PARD3B: variants seen among roughly 807,000 people sequenced by gnomAD.
PARD3B encodes partitioning defective 3 homolog B.
PARD3B carries 103 observed loss-of-function variants against 130.2 expected under a neutral mutation model. The observed-to-expected ratio is 0.79, with a 90% CI of 0.67 to 0.93. The LOEUF (loss-of-function observed/expected upper bound fraction) is 0.93, where lower values mean the gene tolerates loss of function less well. PARD3B is among the 40% of genes least tolerant of loss of function. PARD3B has a pLI of 0.00. For missense variants in PARD3B, 1,609 were observed against 1,499.2 expected (o/e 1.07, Z -1.21); for synonymous variants, 583 against 553.2 (o/e 1.05, Z -0.76).
Position 205,103,617 on chromosome 2 carries a change from T to C in PARD3B, c.505-809T>C, listed in dbSNP as rs966272650. The C allele has an allele frequency of 4.0e-5, 29 of 726,726 alleles. No individual in the cohort carries two copies. In the South Asian group the frequency reaches 1.6e-3, roughly 40 times the overall value. The allele number at this position is 726,726 out of a possible 1,614,324, so 45.0% of individuals were successfully genotyped here. On this transcript the variant is annotated intron_variant, in intron 4 of 22. Transcript: ENST00000406610. ...TGCTTTGATGAAACCGGAGTCCACG[T>C]GTAACAATAGTTTATTGTGACTCCA...
At chr2:205,152,603 A>T (rs568425329) in intron 10 of PARD3B, among the ~76,000 whole-genome samples, 4 of 152,266 alleles carry the variant, frequency 2.6e-5, no homozygotes, top group Middle Eastern at 6.8e-3. Context: ...TTTCAGCTCC[A>T]TCGGGTCATT....
intron 19 of PARD3B, among the ~76,000 whole-genome samples, chr2:205,438,362 A>AG (rs1327208424): frequency 6.6e-6 from 1 of 152,130 alleles, no homozygotes; most frequent in African/African-American, 2.4e-5. Context: ...CAAGCTTAGT[A>AG]TTTTCCTCTT....
Position 205,374,437 on chromosome 2 carries a change from G to A in PARD3B, c.2631-26576G>A, listed in dbSNP as rs573298129. Among the ~76,000 whole-genome samples the A allele has an allele frequency of 5.9e-5, 9 of 152,228 alleles. 1 individual carries two copies. The highest frequency in any genetic ancestry group is 3.9e-4 in the East Asian group (2 of 5,162). ...TTTTTAGTAGAAACGGTTTCGCCAT[G>A]TTGGCCAGGCTGGTCTTGAACCCCT... On this transcript the variant is annotated intron_variant, in intron 18 of 22. Coordinates refer to ENST00000406610, the MANE Select transcript of PARD3B (RefSeq NM_001302769.2).
intron 2 of PARD3B, among the ~76,000 whole-genome samples, chr2:204,948,575 G>A (rs890877372): frequency 6.6e-6 from 1 of 152,114 alleles, no homozygotes; most frequent in African/African-American, 2.4e-5. Flanking sequence ...AGCACACAGA[G>A]ACCGAACATG....
intron 2 of PARD3B, among the ~76,000 whole-genome samples, chr2:204,750,476 C>G (rs1229485991): frequency 6.6e-6 from 1 of 152,130 alleles, no homozygotes; most frequent in African/African-American, 2.4e-5. Flanking sequence ...GTCCCAGCTA[C>G]TTGGGAGGGT....
chr2:204,875,294 A>G (rs1209470629), intron 2 of PARD3B, among the ~76,000 whole-genome samples: 5 of 152,122 alleles, frequency 3.3e-5, no homozygotes, highest in Admixed American at 2.6e-4. Flanking sequence ...ATAATTTTGT[A>G]TATTCTTTAT....
At position 205,377,763 on chromosome 2, in the gene PARD3B, ATTTTTTT is replaced by A. The variant is rs3048124; in HGVS notation, c.2631-23232_2631-23226del. Among the ~76,000 whole-genome samples the A allele has an allele frequency of 3.6e-3, 425 of 117,440 alleles. 4 individuals are homozygous for A. The highest frequency in any genetic ancestry group is 6.9e-3 in the East Asian group (30 of 4,372). 77.0% of individuals were successfully genotyped at this position (117,440 alleles called of 152,430 possible). Reference sequence around the variant, plus strand: ...ACCAAGTATCACATGGTGTAATCCAATTTTTTTTTTTTTTTTTTTTTTTTGAGACAGG... The same window carrying A: ...ACCAAGTATCACATGGTGTAATCCAATTTTTTTTTTTTTTTTTGAGACAGG... On this transcript the variant is annotated intron_variant, in intron 18 of 22. Coordinates refer to ENST00000406610, the MANE Select transcript of PARD3B (RefSeq NM_001302769.2).
intron 2 of PARD3B, among the ~76,000 whole-genome samples, chr2:204,794,054 G>A (rs1476563778): frequency 2.0e-5 from 3 of 152,110 alleles, no homozygotes; most frequent in Admixed American, 2.0e-4. Flanking sequence ...TTGATGCGAG[G>A]GGAGATTGAA....
At chr2:204,621,796 T>C (rs944057961) in intron 1 of PARD3B, among the ~76,000 whole-genome samples, 132 of 152,326 alleles carry the variant, frequency 8.7e-4, no homozygotes, top group African/African-American at 2.8e-3. Context: ...ATTATTTAAT[T>C]TATCTGGGTC....
At chr2:205,594,644 TAAAGA>T (rs2054505857) in intron 22 of PARD3B, among the ~76,000 whole-genome samples, 1 of 152,118 alleles carries the variant, frequency 6.6e-6, no homozygotes, top group African/African-American at 2.4e-5. Context: ...GTCCTGAGAT[TAAAGA>T]AAAGCAGGAA....
chr2:204,781,790 A>G (rs1431809019), intron 2 of PARD3B, among the ~76,000 whole-genome samples: 1 of 152,128 alleles, frequency 6.6e-6, no homozygotes, highest in Admixed American at 6.5e-5. Context: ...AACATCATAC[A>G]TGCTCTTTGC....
intron 21 of PARD3B, among the ~76,000 whole-genome samples, chr2:205,520,200 C>G (rs1174115609): frequency 4.5e-4 from 68 of 152,174 alleles, no homozygotes; most frequent in South Asian, 2.1e-4. Context: ...AGATGCAGGT[C>G]AGTAATCCCT....
chr2:204,818,042 C>T (rs567652917), intron 2 of PARD3B, among the ~76,000 whole-genome samples: 68 of 152,092 alleles, frequency 4.5e-4, no homozygotes, highest in African/African-American at 1.5e-3. Flanking sequence ...CCAAACTGTC[C>T]CTCTTTATTT....
At position 204,821,724 on chromosome 2, in the gene PARD3B, T is replaced by A. The variant is rs531362389; in HGVS notation, c.222+135442T>A. 2.2e-4 allele frequency among the ~76,000 whole-genome samples: 33 copies of A among 151,192 alleles called. No homozygotes were observed. The South Asian group carries it at 4.4e-3, about 20-fold the overall frequency. Reference sequence around the variant, plus strand: ...TAAAATAAAAAAAATTAAAAAAAAATAAAAAAAATAGAAATGGGCATTTCC... The same window carrying A: ...TAAAATAAAAAAAATTAAAAAAAAAAAAAAAAAATAGAAATGGGCATTTCC... On this transcript the variant is annotated intron_variant, in intron 2 of 22. Coordinates refer to ENST00000406610, the MANE Select transcript of PARD3B (RefSeq NM_001302769.2).
At chr2:204,825,184 C>T (rs1337788124) in intron 2 of PARD3B, among the ~76,000 whole-genome samples, 4 of 152,286 alleles carry the variant, frequency 2.6e-5, no homozygotes, top group African/African-American at 9.6e-5. Context: ...TTCGTGTAGT[C>T]AGTGCGTCAA....
At chr2:205,523,395 C>A (rs565893972) in intron 21 of PARD3B, among the ~76,000 whole-genome samples, 100 of 151,816 alleles carry the variant, frequency 6.6e-4, no homozygotes, top group African/African-American at 2.4e-3. Flanking sequence ...AGGCGCCCAC[C>A]ACCATGCCCA....
At chr2:204,693,925 C>T (rs2037469114) in intron 2 of PARD3B, among the ~76,000 whole-genome samples, 1 of 152,000 alleles carries the variant, frequency 6.6e-6, no homozygotes, top group Admixed American at 6.6e-5. Flanking sequence ...GCTGTATTCC[C>T]AGTGCCTGCA....
At chr2:205,126,751 T>TAAA (rs2031460419) in intron 10 of PARD3B, among the ~76,000 whole-genome samples, 1 of 13,258 alleles carries the variant, frequency 7.5e-5, no homozygotes, top group African/African-American at 6.0e-4. Flanking sequence ...AGACTCCGTC[T>TAAA]CAAAAAAAAA....
chr2:204,702,689 C>T (rs1210324329), intron 2 of PARD3B, among the ~76,000 whole-genome samples: 1 of 152,124 alleles, frequency 6.6e-6, no homozygotes, highest in African/African-American at 2.4e-5. Context: ...TTTCTCCTGC[C>T]TCAGCCTCAC....
Sources: gnomAD v4.1 joint callset for allele counts (sites outside exome capture counted in the v4.1 genomes callset) on GRCh38, gnomAD v4.1.1 for gene constraint, MANE v1.5 for transcripts, NCBI Gene and HGNC (gene_info 2026-07-23, HGNC 2026-07-21) for gene names.